The following PATJ variants were observed in gnomAD, a reference collection of about 807,000 sequenced individuals.
PATJ encodes PATJ crumbs cell polarity complex component.
PATJ carries 190 observed loss-of-function variants against 224.9 expected under a neutral mutation model. The ratio of observed to expected loss-of-function variants is 0.84; its 90% CI spans 0.75 to 0.95. The LOEUF (loss-of-function observed/expected upper bound fraction) is 0.95. Ranked by LOEUF, PATJ falls within the 40% of genes least tolerant of loss-of-function variation. The pLI is 0.00. For synonymous variants in PATJ, 769 were observed against 820.3 expected, an observed-to-expected ratio of 0.94 and a Z score of 1.07; for missense variants, 2,121 against 2,270.3, an observed-to-expected ratio of 0.93 and a Z score of 1.34.
intron 42 of PATJ, among the ~76,000 whole-genome samples, chr1:62,151,509 T>C (rs560902909): frequency 2.0e-4 from 30 of 152,224 alleles, no homozygotes; most frequent in African/African-American, 6.5e-4. Flanking sequence ...GAGAATGGCA[T>C]AAACCCAGGA....
chr1:61,940,733 A>G (rs796572756), intron 27 of PATJ, among the ~76,000 whole-genome samples: 5 of 151,648 alleles, frequency 3.3e-5, no homozygotes, highest in African/African-American at 4.8e-5. Context: ...AAAAAAAAAA[A>G]AGAGAAAAAG....
At chr1:62,096,769 C>CCA (rs2148817010) in intron 33 of PATJ, among the ~76,000 whole-genome samples, 1 of 152,252 alleles carries the variant, frequency 6.6e-6, no homozygotes, top group East Asian at 1.9e-4. Flanking sequence ...GCACCCACCA[C>CCA]CACACCCAGC....
chr1:61,938,381 TA>T (rs199684165), intron 27 of PATJ, among the ~76,000 whole-genome samples: 7 of 148,618 alleles, frequency 4.7e-5, no homozygotes, highest in African/African-American at 7.4e-5. Flanking sequence ...GTGGGGTGTT[TA>T]AAAAAAAAAC....
chr1:61,817,610 G>A (rs755077356), intron 14 of PATJ, among the ~76,000 whole-genome samples: 22 of 152,180 alleles, frequency 1.4e-4, no homozygotes, highest in Non-Finnish European at 2.9e-4. Context: ...GCAGTGAGCC[G>A]AGATCGCACC....
chr1:61,891,001 A>G (rs1312552014), intron 22 of PATJ, among the ~76,000 whole-genome samples: 2 of 151,994 alleles, frequency 1.3e-5, no homozygotes, highest in Non-Finnish European at 2.9e-5. Context: ...GGTAGTATTC[A>G]TTGTTGCTGG....
At chr1:61,999,895 T>G (rs889868955) in intron 28 of PATJ, among the ~76,000 whole-genome samples, 2 of 151,938 alleles carry the variant, frequency 1.3e-5, no homozygotes, top group African/African-American at 4.8e-5. Flanking sequence ...TTTTTTTGGG[T>G]TTTTTTAGGC....
At chr1:62,117,466 C>A in intron 37 of PATJ, 4 of 1,260,746 alleles carry the variant, frequency 3.2e-6, no homozygotes, top group Non-Finnish European at 4.1e-6. Context: ...TCTATTAGTT[C>A]TATATTGCCT....
At chr1:62,079,767 T>C (rs571163209) in intron 32 of PATJ, among the ~76,000 whole-genome samples, 200 bp downstream of exon 32, 2 of 152,212 alleles carry the variant, frequency 1.3e-5, no homozygotes, top group Non-Finnish European at 2.9e-5. Context: ...CCATTGCCTG[T>C]TGCTTTTTGA....
At chr1:61,871,062 TG>T (rs1666260194) in intron 20 of PATJ, among the ~76,000 whole-genome samples, 1 of 149,694 alleles carries the variant, frequency 6.7e-6, no homozygotes. Flanking sequence ...TTTAAAGATT[TG>T]GTTTTTGTTT....
chr1:62,045,496 C>T (rs1652369249), intron 30 of PATJ, among the ~76,000 whole-genome samples: 1 of 152,152 alleles, frequency 6.6e-6, no homozygotes, highest in African/African-American at 2.4e-5. Context: ...AAAAGACTAA[C>T]CTCAGTAGGG....
intron 31 of PATJ, among the ~76,000 whole-genome samples, chr1:62,066,423 G>T (rs192941111): frequency 6.6e-6 from 1 of 150,696 alleles, no homozygotes; most frequent in African/African-American, 2.5e-5. Flanking sequence ...ACACTCTGTC[G>T]CCCAGGTTGG....
chr1:61,860,352 C>A (rs924388848), intron 18 of PATJ, among the ~76,000 whole-genome samples: 1 of 152,138 alleles, frequency 6.6e-6, no homozygotes, highest in Non-Finnish European at 1.5e-5. Context: ...TGAGGCACCA[C>A]GCCCTGGCTG....
chr1:61,760,607 C>G (rs1184725114), intron 1 of PATJ, among the ~76,000 whole-genome samples: 1 of 138,404 alleles, frequency 7.2e-6, no homozygotes, highest in Admixed American at 7.0e-5. Context: ...TTTTTCTTTT[C>G]TTTTTCTTTT....
At chr1:61,840,182 A>C (rs1245281900) in intron 17 of PATJ, among the ~76,000 whole-genome samples, 1 of 152,066 alleles carries the variant, frequency 6.6e-6, no homozygotes, top group Non-Finnish European at 1.5e-5. Flanking sequence ...ACTCTGTTAG[A>C]ATTCTCTTTT....
Position 62,098,275 on chromosome 1 carries a change from C to T in PATJ, c.4378-10162C>T, listed in dbSNP as rs555776003. Among the ~76,000 whole-genome samples, 9 of 150,758 alleles carry T rather than the reference C, an allele frequency of 6.0e-5. No individual in the cohort carries two copies. The South Asian group carries it at 6.3e-4, about 11-fold the overall frequency. On this transcript the variant is annotated intron_variant, in intron 33 of 43. Coordinates refer to ENST00000642238, the MANE Select transcript of PATJ (RefSeq NM_001350145.3). The stretch of plus-strand genomic sequence containing the variant: ...TCGGGAGGCTGAGGCAGGAGAATGG[C>T]GTGAACCTGGGAGGTGGAGCTTGCA...
At chr1:61,763,709 G>C (rs1205630361) in intron 3 of PATJ, among the ~76,000 whole-genome samples, 3 of 152,018 alleles carry the variant, frequency 2.0e-5, no homozygotes, top group Non-Finnish European at 2.9e-5. Context: ...ACTGAGGCGG[G>C]AGTGCAGTGC....
intron 27 of PATJ, among the ~76,000 whole-genome samples, chr1:61,962,168 A>G (rs1408628051): frequency 1.5e-4 from 23 of 152,104 alleles, no homozygotes; most frequent in Non-Finnish European, 3.4e-4. Flanking sequence ...ACAGCCTACC[A>G]TGATATTATC....
intron 21 of PATJ, among the ~76,000 whole-genome samples, chr1:61,883,747 C>T (rs1261629510): frequency 8.6e-6 from 1 of 115,832 alleles, no homozygotes; most frequent in African/African-American, 3.4e-5. Context: ...CAGAGAGAGA[C>T]TCCGTCTCTT....
At chr1:61,797,194 T>A (rs912817389) in intron 10 of PATJ, 93 bp from the exon 11 acceptor site, 1 of 1,361,422 alleles carries the variant, frequency 7.3e-7, no homozygotes, top group Non-Finnish European at 1.0e-6. Flanking sequence ...ATTTTTGGAA[T>A]GAAAGAAATT....
Sources: allele counts gnomAD v4.1 joint callset (sites outside exome capture counted in the v4.1 genomes callset), GRCh38; gene constraint gnomAD v4.1.1; transcripts MANE v1.5; gene names NCBI Gene and HGNC (gene_info 2026-07-23, HGNC 2026-07-21).